The following GPC5 variants were observed in gnomAD, a reference collection of about 807,000 sequenced individuals.
GPC5 encodes glypican 5, also known as glypican-5.
A neutral mutation model predicts 53.9 loss-of-function variants in GPC5; 47 were observed. The observed-to-expected ratio is 0.87, with a 90% CI of 0.69 to 1.11. The LOEUF (loss-of-function observed/expected upper bound fraction) is 1.11, where lower values mean the gene tolerates loss of function less well. GPC5 is among the 50% of genes most tolerant of loss of function. The pLI, the probability that GPC5 is intolerant of heterozygous loss-of-function variation, is 0.00. For missense variants in GPC5, 748 were observed against 713.1 expected, an observed-to-expected ratio of 1.05 and a Z score of -0.56; for synonymous variants, 286 against 263.3, an observed-to-expected ratio of 1.09 and a Z score of -0.84.
intron 7 of GPC5, among the ~76,000 whole-genome samples, chr13:92,648,057 T>C (rs1885831840): frequency 6.8e-6 from 1 of 146,990 alleles, no homozygotes; most frequent in Non-Finnish European, 1.5e-5. Flanking sequence ...ATTTTATATC[T>C]AAAATGCTTG....
At chr13:92,859,315 C>T (rs1455714290) in intron 7 of GPC5, among the ~76,000 whole-genome samples, 1 of 152,086 alleles carries the variant, frequency 6.6e-6, no homozygotes, top group Non-Finnish European at 1.5e-5. Context: ...GTTATTGTTT[C>T]TTTAAAATTA....
At chr13:91,966,260 A>G (rs1391550232) in intron 6 of GPC5, among the ~76,000 whole-genome samples, 1 of 152,198 alleles carries the variant, frequency 6.6e-6, no homozygotes, top group Non-Finnish European at 1.5e-5. Context: ...CTTTAGACTT[A>G]GTGCAGAAAA....
chr13:91,883,703 C>T (rs1210578885), intron 5 of GPC5, among the ~76,000 whole-genome samples: 4 of 152,282 alleles, frequency 2.6e-5, no homozygotes, highest in South Asian at 4.1e-4. Flanking sequence ...GATTATGGAA[C>T]GAGGGCCTTG....
intron 7 of GPC5, among the ~76,000 whole-genome samples, chr13:92,260,230 CAGAA>C (rs1184374800): frequency 6.6e-6 from 1 of 152,168 alleles, no homozygotes; most frequent in Non-Finnish European, 1.5e-5. Context: ...CAGCTCCTCA[CAGAA>C]ACTGTATTCA....
chr13:92,155,708 T>G (rs1435749400), intron 7 of GPC5, among the ~76,000 whole-genome samples: 3 of 152,184 alleles, frequency 2.0e-5, no homozygotes, highest in African/African-American at 7.2e-5. Flanking sequence ...TTTTTGCTTT[T>G]GCATTTCTGC....
chr13:91,419,295 A>G (rs1274702466), intron 1 of GPC5, among the ~76,000 whole-genome samples: 3 of 152,192 alleles, frequency 2.0e-5, no homozygotes, highest in African/African-American at 7.2e-5. Context: ...TAGTGAGACA[A>G]TGAATATGAG....
intron 7 of GPC5, among the ~76,000 whole-genome samples, chr13:92,215,135 T>C (rs529502850): frequency 1.3e-5 from 2 of 152,306 alleles, no homozygotes; most frequent in Admixed American, 6.5e-5. Context: ...AACAAAGTAT[T>C]ATGCTAGCAG....
At chr13:92,352,321 T>A (rs995591588) in intron 7 of GPC5, among the ~76,000 whole-genome samples, 1 of 152,290 alleles carries the variant, frequency 6.6e-6, no homozygotes, top group Middle Eastern at 3.4e-3. Flanking sequence ...TCTATTAGAC[T>A]CAAGTAATAC....
intron 7 of GPC5, among the ~76,000 whole-genome samples, chr13:92,397,666 C>A (rs528703750): frequency 1.3e-5 from 2 of 151,724 alleles, no homozygotes; most frequent in African/African-American, 4.8e-5. Context: ...CTGATGAAAC[C>A]AAAAAAAGTC....
chr13:92,755,303 C>G (rs1256726594), intron 7 of GPC5, among the ~76,000 whole-genome samples: 1 of 139,898 alleles, frequency 7.1e-6, no homozygotes, highest in African/African-American at 2.7e-5. Flanking sequence ...CACAACATAC[C>G]AGAATCTCTG....
intron 7 of GPC5, among the ~76,000 whole-genome samples, chr13:92,170,945 A>G (rs2042066217): frequency 6.6e-6 from 1 of 152,172 alleles, no homozygotes; most frequent in Admixed American, 6.5e-5. Context: ...AAAATTTATG[A>G]AATATTTTAA....
intron 7 of GPC5, among the ~76,000 whole-genome samples, chr13:92,346,043 C>G (rs944520123): frequency 6.6e-6 from 1 of 152,130 alleles, no homozygotes; most frequent in African/African-American, 2.4e-5. Flanking sequence ...TGCCTCAGAG[C>G]ATGACCTAAT....
rs546159207 is a variant in GPC5 at position 92,728,406 on chromosome 13, T to A, written c.1562-137876T>A. On this transcript the variant is annotated intron_variant, in intron 7 of 7. Transcript: ENST00000377067. ...TAGACAAAGAAATTGAATGTTAATT[T>A]TTTTGTGGATTCCCCATGATTCAGC... 3.9e-3 allele frequency among the ~76,000 whole-genome samples: 595 copies of A among 151,586 alleles called. 5 individuals are homozygous for A. The highest frequency in any genetic ancestry group is 0.014 in the African/African-American group (567 of 41,490).
intron 7 of GPC5, among the ~76,000 whole-genome samples, chr13:92,182,876 GAAA>G (rs1555317199): frequency 9.0e-6 from 1 of 111,674 alleles, no homozygotes; most frequent in Non-Finnish European, 2.1e-5. Flanking sequence ...CTCAAAAAAA[GAAA>G]AAAAAAAAAA....
chr13:92,548,819 A>G (rs2139012934), intron 7 of GPC5, among the ~76,000 whole-genome samples: 1 of 152,204 alleles, frequency 6.6e-6, no homozygotes, highest in African/African-American at 2.4e-5. Context: ...TTGGAAACCC[A>G]TTTCCCAAGA....
At chr13:92,771,467 G>A (rs536757665) in intron 7 of GPC5, among the ~76,000 whole-genome samples, 27 of 151,984 alleles carry the variant, frequency 1.8e-4, no homozygotes, top group South Asian at 1.0e-3. Context: ...CTCAGTCTCC[G>A]GAGTAGCTGG....
rs1447110172 is a variant in GPC5, at chr13:92,447,063, T to G, written c.1561+302074T>G. On this transcript the variant is annotated intron_variant, in intron 7 of 7. Transcript: ENST00000377067. ...CATCAGATATATAGTTTATAGATAT[T>G]TTCTCCCATTCTATGGGTTTGTCTC... 3 of 152,198 alleles carry G rather than the reference T, an allele frequency of 2.0e-5. No individual in the cohort carries two copies. The East Asian group carries it at 5.8e-4, about 29-fold the overall frequency. 9.4% of individuals were successfully genotyped at this position (152,198 alleles called of 1,614,324 possible).
At chr13:91,572,158 TACACACAC>T (rs569900976) in intron 2 of GPC5, among the ~76,000 whole-genome samples, 23 of 119,138 alleles carry the variant, frequency 1.9e-4, no homozygotes, top group African/African-American at 5.9e-4. Context: ...TACGTGTGTA[TACACACAC>T]ATATGTATAT....
chr13:92,785,510 C>T (rs1242381657), intron 7 of GPC5, among the ~76,000 whole-genome samples: 1 of 152,132 alleles, frequency 6.6e-6, no homozygotes, highest in Non-Finnish European at 1.5e-5. Flanking sequence ...AGAAAAGAGG[C>T]CATGCAGCAT....
Sources: gnomAD v4.1 joint callset for allele counts (sites outside exome capture counted in the v4.1 genomes callset) on GRCh38, gnomAD v4.1.1 for gene constraint, MANE v1.5 for transcripts, NCBI Gene and HGNC (gene_info 2026-07-23, HGNC 2026-07-21) for gene names.